Variants in SDK1 observed in about 807,000 individuals in gnomAD.
The protein encoded by SDK1 is sidekick cell adhesion molecule 1.
A neutral mutation model predicts 245.5 loss-of-function variants in SDK1; 157 were observed. That is an observed-to-expected ratio of 0.64 (90% confidence interval 0.56 to 0.73). SDK1 has a LOEUF of 0.73. SDK1 is among the 30% of genes least tolerant of loss of function. The probability of loss-of-function intolerance (pLI) is 0.00; values close to 1 mark genes in which losing one functional copy is unlikely to be tolerated. For synonymous variants in SDK1, 1,647 were observed against 1,278.5 expected, an observed-to-expected ratio of 1.29 and a Z score of -6.15; for missense variants, 3,583 against 3,002.3, an observed-to-expected ratio of 1.19 and a Z score of -4.52.
chr7:4,248,094 T>C (rs1293342197), intron 44 of SDK1, among the ~76,000 whole-genome samples: 1 of 152,136 alleles, frequency 6.6e-6, no homozygotes, highest in Non-Finnish European at 1.5e-5. Context: ...GGCAAATGTT[T>C]ATGGAAGATT....
intron 40 of SDK1, among the ~76,000 whole-genome samples, chr7:4,225,104 A>G (rs927348908): frequency 6.7e-6 from 1 of 148,314 alleles, no homozygotes. Flanking sequence ...CAGATTAAGG[A>G]TCCCAGCAGA....
intron 32 of SDK1, among the ~76,000 whole-genome samples, chr7:4,167,177 A>T (rs1379462829): frequency 1.3e-5 from 2 of 152,200 alleles, no homozygotes; most frequent in African/African-American, 4.8e-5. Context: ...GCAGATCACG[A>T]GGTCGAGATT....
rs568486663 is a variant in SDK1, at chr7:3,567,142, T to C, written c.299-51938T>C. Reference sequence around the variant, plus strand: ...GCAAGCTGCCCTTGTCGTGAAGTATTTACATTGTTAGGTTTTTTAAAAACA... The same window carrying C: ...GCAAGCTGCCCTTGTCGTGAAGTATCTACATTGTTAGGTTTTTTAAAAACA... On this transcript the variant is annotated intron_variant, in intron 1 of 44. Coordinates refer to ENST00000404826, the MANE Select transcript of SDK1 (RefSeq NM_152744.4). 2.6e-5 allele frequency among the ~76,000 whole-genome samples: 4 copies of C among 152,320 alleles called. No individual in the cohort carries two copies. The East Asian group carries it at 7.7e-4, about 29-fold the overall frequency.
intron 36 of SDK1, among the ~76,000 whole-genome samples, chr7:4,206,728 G>A (rs539334229): frequency 1.3e-5 from 2 of 152,136 alleles, no homozygotes; most frequent in Admixed American, 1.3e-4. Flanking sequence ...AGCATCCGGG[G>A]TCTTTGCCAT....
At chr7:4,153,129 C>G (rs566861547) in intron 30 of SDK1, among the ~76,000 whole-genome samples, 1 of 151,816 alleles carries the variant, frequency 6.6e-6, no homozygotes, top group African/African-American at 2.4e-5. Flanking sequence ...GGGATAGGTG[C>G]GGGGGTTCCA....
chr7:3,470,108 C>G (rs1228435469), intron 1 of SDK1, among the ~76,000 whole-genome samples: 1 of 152,140 alleles, frequency 6.6e-6, no homozygotes, highest in Admixed American at 6.6e-5. Context: ...TTGTTCTCAG[C>G]CTTTTTGGGG....
At chr7:3,940,270 G>C (rs544923500) in intron 5 of SDK1, among the ~76,000 whole-genome samples, 2 of 152,358 alleles carry the variant, frequency 1.3e-5, no homozygotes, top group South Asian at 4.1e-4. Flanking sequence ...TGGATATTTA[G>C]AATATCTAAA....
intron 4 of SDK1, among the ~76,000 whole-genome samples, chr7:3,648,025 G>C (rs905568288): frequency 6.6e-6 from 1 of 152,162 alleles, no homozygotes; most frequent in African/African-American, 2.4e-5. Flanking sequence ...CTGAGAAGTT[G>C]AAAACCCCAT....
chr7:3,554,720 G>C (rs1779529085), intron 1 of SDK1, among the ~76,000 whole-genome samples: 1 of 152,022 alleles, frequency 6.6e-6, no homozygotes, highest in Non-Finnish European at 1.5e-5. Context: ...AAATATAACT[G>C]ATAAACAAAT....
chr7:4,173,868 C>T (rs1215599498), intron 32 of SDK1, among the ~76,000 whole-genome samples: 1 of 152,208 alleles, frequency 6.6e-6, no homozygotes, highest in Non-Finnish European at 1.5e-5. Context: ...CTCGAGGTTC[C>T]ACCCTGCTCT....
chr7:3,450,167 A>G (rs964550713), intron 1 of SDK1, among the ~76,000 whole-genome samples: 6 of 152,236 alleles, frequency 3.9e-5, no homozygotes, highest in African/African-American at 7.2e-5. Context: ...TAATTGGATC[A>G]TATGTATGTG....
chr7:4,055,843 CAG>C (rs1201013846), intron 19 of SDK1, among the ~76,000 whole-genome samples: 1 of 152,040 alleles, frequency 6.6e-6, no homozygotes, highest in East Asian at 1.9e-4. Flanking sequence ...CATTTTCATC[CAG>C]TTCTCTGTAT....
At chr7:3,525,944 A>C (rs897961365) in intron 1 of SDK1, among the ~76,000 whole-genome samples, 2 of 152,172 alleles carry the variant, frequency 1.3e-5, no homozygotes. Context: ...CAGGTAATTC[A>C]CATTGTGGGC....
At chr7:4,122,329 T>C (rs1784118695) in intron 25 of SDK1, among the ~76,000 whole-genome samples, 1 of 151,736 alleles carries the variant, frequency 6.6e-6, no homozygotes, top group African/African-American at 2.4e-5. Flanking sequence ...GAGGCAGGGA[T>C]GAGATGGGGA....
intron 1 of SDK1, among the ~76,000 whole-genome samples, chr7:3,323,586 C>A (rs751579132): frequency 5.9e-5 from 9 of 152,226 alleles, no homozygotes; most frequent in Non-Finnish European, 1.3e-4. Context: ...TAGAGGTCAA[C>A]TTGAATTCCT....
intron 4 of SDK1, among the ~76,000 whole-genome samples, chr7:3,754,533 T>C (rs1562418961): frequency 6.6e-6 from 1 of 152,214 alleles, no homozygotes; most frequent in Non-Finnish European, 1.5e-5. Flanking sequence ...AAAGTTTTAC[T>C]CCAAAAGTTG....
At position 3,998,616 on chromosome 7, in the gene SDK1, G is replaced by C. The variant is rs934602416; in HGVS notation, c.2131+11294G>C. 2.0e-5 allele frequency among the ~76,000 whole-genome samples: 3 copies of C among 152,310 alleles called. No individual in the cohort carries two copies. The South Asian group carries it at 6.2e-4, about 32-fold the overall frequency. ...TTTCAGAGCTGATGCTCTGAGGGAC[G>C]TGGTCTTCATCTATGACTCTAGGTT... On this transcript the variant is annotated intron_variant, in intron 14 of 44. Coordinates refer to ENST00000404826, the MANE Select transcript of SDK1 (RefSeq NM_152744.4).
At chr7:4,068,513 G>C (rs903170927) in intron 20 of SDK1, among the ~76,000 whole-genome samples, 1 of 151,996 alleles carries the variant, frequency 6.6e-6, no homozygotes, top group Admixed American at 6.5e-5. Context: ...TCTGACTCCA[G>C]ATCCCATGTT....
At chr7:3,577,445 G>C (rs1167907508) in intron 1 of SDK1, among the ~76,000 whole-genome samples, 2 of 151,874 alleles carry the variant, frequency 1.3e-5, no homozygotes, top group African/African-American at 4.8e-5. Context: ...TCCCTTTACT[G>C]TTGCCCCTGG....
Sources: gnomAD v4.1 joint callset for allele counts (sites outside exome capture counted in the v4.1 genomes callset) on GRCh38, gnomAD v4.1.1 for gene constraint, MANE v1.5 for transcripts, NCBI Gene and HGNC (gene_info 2026-07-23, HGNC 2026-07-21) for gene names.